The following CSMD1 variants were observed in gnomAD, a reference collection of about 807,000 sequenced individuals.
CSMD1 encodes CUB and sushi domain-containing protein 1.
A neutral mutation model predicts 417.5 loss-of-function variants in CSMD1; 213 were observed. The ratio of observed to expected loss-of-function variants is 0.51; its 90% confidence interval spans 0.46 to 0.57. The LOEUF is 0.57. CSMD1 is among the 20% of genes least tolerant of loss of function. The pLI is 0.00. For synonymous variants in CSMD1, 2,862 were observed against 1,736.8 expected (o/e 1.65, Z -16.11); for missense variants, 6,923 against 4,529.7 (o/e 1.53, Z -15.17).
At chr8:3,261,392 G>T (rs1350499348) in intron 26 of CSMD1, among the ~76,000 whole-genome samples, 1 of 152,176 alleles carries the variant, frequency 6.6e-6, no homozygotes, top group Non-Finnish European at 1.5e-5. Context: ...CCATGATAAA[G>T]ATAACAAATA....
intron 1 of CSMD1, among the ~76,000 whole-genome samples, chr8:4,685,858 G>C (rs988004822): frequency 4.6e-5 from 7 of 152,206 alleles, no homozygotes; most frequent in South Asian, 2.1e-4. Flanking sequence ...TTTGCTAAAA[G>C]AGAGGTTGAT....
Position 2,962,487 on chromosome 8 carries a change from C to G in CSMD1, c.9607G>C (p.Gly3203Arg). 2 of 1,613,824 alleles carry G rather than the reference C, an allele frequency of 1.2e-6. No individual in the cohort carries two copies. The highest frequency in any genetic ancestry group is 1.7e-6 in the Non-Finnish European group (2 of 1,179,792). Residue 3203 changes from glycine to arginine, a missense_variant, in exon 61 of 70, where the codon GGC becomes CGC. Coordinates refer to ENST00000635120, the MANE Select transcript of CSMD1 (RefSeq NM_033225.6). Reference sequence around the variant, plus strand: ...TTACCAATGCAGGTGGGTTGTATGCCGCTCCACGTGCCGTCAGCTTGGCAG... The same window carrying G: ...TTACCAATGCAGGTGGGTTGTATGCGGCTCCACGTGCCGTCAGCTTGGCAG... ...RVCQADGTWS[G>R]IQPTCIDPAH...
chr8:4,455,725 G>C (rs1328819837), intron 2 of CSMD1, among the ~76,000 whole-genome samples: 3 of 151,702 alleles, frequency 2.0e-5, no homozygotes, highest in East Asian at 1.9e-4. Flanking sequence ...GAGGTCAGGA[G>C]TTCAAGACCA....
Position 3,118,944 on chromosome 8 carries a change from G to A in CSMD1, c.6242-357C>T, listed in dbSNP as rs187780447. 3.5e-3 allele frequency among the ~76,000 whole-genome samples: 528 copies of A among 152,300 alleles called. 11 individuals carry two copies. In the East Asian group the frequency reaches 0.049, roughly 14 times the overall value. ...GCCTGTAATCCCAGCACTCTGGGAG[G>A]CCGAGGCGGGAGGATCACGAGGTCA... On this transcript the variant is annotated intron_variant, in intron 41 of 69. Coordinates refer to ENST00000635120, the MANE Select transcript of CSMD1 (RefSeq NM_033225.6).
intron 21 of CSMD1, among the ~76,000 whole-genome samples, chr8:3,350,579 A>C (rs1250242516): frequency 6.6e-6 from 1 of 152,206 alleles, no homozygotes; most frequent in Non-Finnish European, 1.5e-5. Flanking sequence ...GTTCATAATT[A>C]ATAATAAAAC....
Position 3,069,368 on chromosome 8 carries a change from G to C in CSMD1, c.7475-16721C>G, listed in dbSNP as rs532360234. Among the ~76,000 whole-genome samples, 65 of 152,026 alleles carry C rather than the reference G, an allele frequency of 4.3e-4. No homozygotes were observed. The South Asian group carries it at 0.01, about 24-fold the overall frequency. On this transcript the variant is annotated intron_variant, in intron 49 of 69. Coordinates refer to ENST00000635120, the MANE Select transcript of CSMD1 (RefSeq NM_033225.6). ...GAGACTCACTTGAAACTGGAAGGTG[G>C]AGGTTGCAGTGAGCCAAGATCACAC...
intron 7 of CSMD1, among the ~76,000 whole-genome samples, chr8:3,676,152 G>T (rs554974516): frequency 2.0e-5 from 3 of 152,174 alleles, no homozygotes; most frequent in South Asian, 2.1e-4. Context: ...TAGGTAAATT[G>T]TTTATTTTCT....
intron 3 of CSMD1, among the ~76,000 whole-genome samples, chr8:4,075,715 A>G (rs1046564663): frequency 1.3e-5 from 2 of 152,206 alleles, no homozygotes; most frequent in Non-Finnish European, 2.9e-5. Flanking sequence ...TTGTCAATGT[A>G]GAAACGGTTT....
At chr8:3,657,390 G>A (rs1336462128) in intron 7 of CSMD1, among the ~76,000 whole-genome samples, 5 of 152,104 alleles carry the variant, frequency 3.3e-5, no homozygotes, top group Middle Eastern at 3.4e-3. Context: ...AAACTGTATG[G>A]TATCAAAGGT....
chr8:4,183,391 T>G (rs569658156), intron 3 of CSMD1, among the ~76,000 whole-genome samples: 1 of 152,350 alleles, frequency 6.6e-6, no homozygotes, highest in East Asian at 1.9e-4. Context: ...ATAAGGAAGC[T>G]GATGTAAAAG....
intron 1 of CSMD1, among the ~76,000 whole-genome samples, chr8:4,718,027 G>C (rs992762735): frequency 1.3e-5 from 2 of 152,068 alleles, no homozygotes; most frequent in African/African-American, 2.4e-5. Flanking sequence ...CCCCAGGCTG[G>C]AGGGCAGTGG....
At chr8:3,193,533 C>T (rs1335596668) in intron 33 of CSMD1, among the ~76,000 whole-genome samples, 1 of 152,078 alleles carries the variant, frequency 6.6e-6, no homozygotes, top group East Asian at 1.9e-4. Flanking sequence ...GGGTCTGGCC[C>T]TTCACCTGGA....
intron 3 of CSMD1, among the ~76,000 whole-genome samples, chr8:4,163,107 T>C (rs931546375): frequency 6.6e-6 from 1 of 152,244 alleles, no homozygotes; most frequent in Non-Finnish European, 1.5e-5. Context: ...CATTGTCTGA[T>C]ACACCACAAG....
intron 2 of CSMD1, among the ~76,000 whole-genome samples, chr8:4,549,697 TG>T (rs1227543965): frequency 6.6e-6 from 1 of 151,896 alleles, no homozygotes; most frequent in Non-Finnish European, 1.5e-5. Context: ...AAGACCAGCC[TG>T]GGCAACATGG....
intron 1 of CSMD1, among the ~76,000 whole-genome samples, chr8:4,910,596 T>G (rs766760060): frequency 2.6e-5 from 4 of 152,190 alleles, no homozygotes; most frequent in Admixed American, 1.3e-4. Context: ...CCTCATAACC[T>G]AATCACTTCC....
At chr8:4,274,486 T>C (rs1054485189) in intron 3 of CSMD1, among the ~76,000 whole-genome samples, 1 of 152,128 alleles carries the variant, frequency 6.6e-6, no homozygotes, top group Non-Finnish European at 1.5e-5. Flanking sequence ...AATTGAAACA[T>C]CCAAGCAAAT....
At chr8:3,764,393 C>T (rs1159286945) in intron 5 of CSMD1, among the ~76,000 whole-genome samples, 2 of 152,154 alleles carry the variant, frequency 1.3e-5, no homozygotes, top group Non-Finnish European at 2.9e-5. Flanking sequence ...ATACCACAAA[C>T]ATAATCAAAC....
chr8:4,190,739 G>C (rs527317383), intron 3 of CSMD1, among the ~76,000 whole-genome samples: 3 of 152,152 alleles, frequency 2.0e-5, no homozygotes, highest in South Asian at 4.2e-4. Flanking sequence ...CACATGAATG[G>C]ATATAACTAA....
At chr8:4,458,767 G>C (rs1799636079) in intron 2 of CSMD1, among the ~76,000 whole-genome samples, 2 of 152,170 alleles carry the variant, frequency 1.3e-5, no homozygotes, top group South Asian at 4.2e-4. Context: ...TTTATGCATT[G>C]AATAAGATAA....
Sources: allele counts gnomAD v4.1 joint callset (sites outside exome capture counted in the v4.1 genomes callset), GRCh38; gene constraint gnomAD v4.1.1; transcripts MANE v1.5; gene names NCBI Gene and HGNC (gene_info 2026-07-23, HGNC 2026-07-21).